The following CEP128 variants were observed in gnomAD, a reference collection of about 807,000 sequenced individuals.
CEP128 encodes the protein centrosomal protein 128, also known as centrosomal protein 128kDa.
CEP128 carries 132 observed loss-of-function variants against 156.7 expected under a neutral mutation model. The observed-to-expected ratio is 0.84, with a 90% CI of 0.73 to 0.97. CEP128 has a LOEUF of 0.97. Among genes scored for constraint, CEP128 ranks in the 50% least tolerant of loss-of-function variants. The pLI, the probability that CEP128 is intolerant of heterozygous loss-of-function variation, is 0.00. For synonymous variants in CEP128, 469 were observed against 448.9 expected (o/e 1.04, Z -0.57); for missense variants, 1,252 against 1,281.9 (o/e 0.98, Z 0.36).
chr14:80,744,826 A>C (rs1476307688), intron 18 of CEP128, among the ~76,000 whole-genome samples: 1 of 152,086 alleles, frequency 6.6e-6, no homozygotes, highest in African/African-American at 2.4e-5. Flanking sequence ...TTGCTCCCCC[A>C]ATGTGCCACT....
intron 8 of CEP128, among the ~76,000 whole-genome samples, chr14:80,891,452 A>G (rs1275537592): frequency 6.6e-6 from 1 of 152,114 alleles, no homozygotes; most frequent in Non-Finnish European, 1.5e-5. Context: ...TAAGCCAGGC[A>G]CAGAAAGAAA....
At chr14:80,649,525 C>G (rs1215178027) in intron 19 of CEP128, among the ~76,000 whole-genome samples, 1 of 152,034 alleles carries the variant, frequency 6.6e-6, no homozygotes, top group Non-Finnish European at 1.5e-5. Context: ...AAACATGATG[C>G]CAGAGCATGA....
At chr14:80,538,963 G>A (rs1447386535) in intron 21 of CEP128, among the ~76,000 whole-genome samples, 1 of 152,220 alleles carries the variant, frequency 6.6e-6, no homozygotes. Flanking sequence ...TAAGCATCAT[G>A]AGAGTAGGGA....
intron 18 of CEP128, among the ~76,000 whole-genome samples, chr14:80,745,107 G>A (rs1267581146): frequency 6.6e-6 from 1 of 152,162 alleles, no homozygotes; most frequent in East Asian, 1.9e-4. Flanking sequence ...AGTGGGAGGT[G>A]ACTGGATCAT....
intron 4 of CEP128, among the ~76,000 whole-genome samples, chr14:80,907,106 A>G (rs946219396): frequency 2.0e-5 from 3 of 152,196 alleles, no homozygotes; most frequent in African/African-American, 7.2e-5. Context: ...AGGAGCCTCA[A>G]CCGAAGGAAA....
At chr14:80,666,488 C>T (rs987750174) in intron 19 of CEP128, among the ~76,000 whole-genome samples, 1 of 152,148 alleles carries the variant, frequency 6.6e-6, no homozygotes, top group Non-Finnish European at 1.5e-5. Flanking sequence ...CCAGTCAGAA[C>T]CAGTATTTCT....
chr14:80,953,457 C>A (rs1363545305), intron 2 of CEP128, among the ~76,000 whole-genome samples: 1 of 152,004 alleles, frequency 6.6e-6, no homozygotes, highest in Admixed American at 6.6e-5. Flanking sequence ...TGGTGGCGGG[C>A]GCCTGTAATC....
rs142536366 is a variant in CEP128, at chr14:80,509,184, T to C, written c.3073-4164A>G. Among the ~76,000 whole-genome samples, 1,288 of 152,326 alleles carry C rather than the reference T, an allele frequency of 8.5e-3. 3 individuals are homozygous for C. The highest frequency in any genetic ancestry group is 0.014 in the Non-Finnish European group (939 of 68,024). On this transcript the variant is annotated intron_variant, in intron 23 of 24. Transcript: ENST00000555265. ...AGAAGTGAGATACCTAGCTGGATCA[T>C]ATGGTAGTTCTATTTTTAGTTTTTT...
chr14:80,500,775 ACCC>A (rs1887695887), intron 24 of CEP128, among the ~76,000 whole-genome samples: 2 of 151,264 alleles, frequency 1.3e-5, no homozygotes. Context: ...ATCCACACCC[ACCC>A]CCTTCTCCTC....
intron 23 of CEP128, among the ~76,000 whole-genome samples, chr14:80,521,425 G>A (rs771919291): frequency 9.2e-5 from 14 of 152,136 alleles, no homozygotes; most frequent in South Asian, 2.1e-4. Flanking sequence ...TATACTCATC[G>A]AAGTACCCAG....
At chr14:80,600,637 T>C (rs1273784131) in intron 19 of CEP128, among the ~76,000 whole-genome samples, 1 of 152,188 alleles carries the variant, frequency 6.6e-6, no homozygotes, top group African/African-American at 2.4e-5. Context: ...ATAGTATCAG[T>C]AAAGGTAACT....
intron 9 of CEP128, among the ~76,000 whole-genome samples, chr14:80,843,439 A>T (rs896604083): frequency 6.6e-6 from 1 of 152,060 alleles, no homozygotes; most frequent in Non-Finnish European, 1.5e-5. Context: ...TAAACTAACA[A>T]CACTATAGAA....
At chr14:80,847,891 C>A (rs1229863662) in intron 9 of CEP128, among the ~76,000 whole-genome samples, 2 of 152,140 alleles carry the variant, frequency 1.3e-5, no homozygotes, top group Non-Finnish European at 2.9e-5. Flanking sequence ...ATATTAGGTA[C>A]ATGATAGTAT....
At chr14:80,930,621 G>C (rs953159386) in intron 2 of CEP128, among the ~76,000 whole-genome samples, 2 of 152,200 alleles carry the variant, frequency 1.3e-5, no homozygotes, top group Non-Finnish European at 2.9e-5. Flanking sequence ...AGCCTGCTTT[G>C]TGTATGTGAT....
chr14:80,794,336 A>G (rs1450477842), intron 13 of CEP128, among the ~76,000 whole-genome samples: 1 of 152,172 alleles, frequency 6.6e-6, no homozygotes, highest in Non-Finnish European at 1.5e-5. Flanking sequence ...ATTTTTTTAA[A>G]TGCCTCAAAA....
At chr14:80,785,614 C>T in intron 14 of CEP128, 69 bp from the exon 15 acceptor site, 1 of 1,127,056 alleles carries the variant, frequency 8.9e-7, no homozygotes, top group Non-Finnish European at 1.2e-6. Context: ...ATAGACTCTG[C>T]CAGTCAGCAA....
chr14:80,946,733 G>A (rs750307719), upstream of CEP128, among the ~76,000 whole-genome samples: 14 of 152,216 alleles, frequency 9.2e-5, no homozygotes, highest in South Asian at 8.3e-4. Flanking sequence ...AAGGAGAAGG[G>A]ACAGAAGTTG....
intron 23 of CEP128, chr14:80,526,613 C>G (rs1282892894): frequency 1.1e-5 from 3 of 275,766 alleles, no homozygotes; most frequent in Non-Finnish European, 2.0e-5. Flanking sequence ...TAAGCAGCAC[C>G]AGTTCCCGTA....
At chr14:80,713,118 G>A (rs1032915069) in intron 19 of CEP128, among the ~76,000 whole-genome samples, 3 of 152,210 alleles carry the variant, frequency 2.0e-5, no homozygotes, top group East Asian at 1.9e-4. Flanking sequence ...GGCACTTTAC[G>A]TGGGAGGGAT....
Sources: allele counts gnomAD v4.1 joint callset (sites outside exome capture counted in the v4.1 genomes callset), GRCh38; gene constraint gnomAD v4.1.1; transcripts MANE v1.5; gene names NCBI Gene and HGNC (gene_info 2026-07-23, HGNC 2026-07-21).